Variants in S100Z observed in about 807,000 individuals in gnomAD.
S100Z encodes the protein protein S100-Z.
Under a neutral mutation model 8.5 loss-of-function variants are expected in S100Z, and 11 were observed. The ratio of observed to expected loss-of-function variants is 1.30; its 90% CI spans 0.82 to 2.15. The LOEUF (loss-of-function observed/expected upper bound fraction) is 2.15. Ranked by LOEUF, S100Z falls within the 30% of genes most tolerant of loss-of-function variation. The pLI, the probability that S100Z is intolerant of heterozygous loss-of-function variation, is 0.00. For synonymous variants in S100Z, 34 were observed against 43.8 expected (o/e 0.78, Z 0.89); for missense variants, 126 against 117.9 (o/e 1.07, Z -0.32).
In S100Z at chr5:76,898,933, C is replaced by CTTTTTTTT. The variant is rs56287065; in HGVS notation, c.*2+21111_*2+21118dup. Among the ~76,000 whole-genome samples the CTTTTTTTT allele has an allele frequency of 6.9e-4, 76 of 109,920 alleles. 1 individual carries two copies. The highest frequency in any genetic ancestry group is 1.1e-3 in the Non-Finnish European group (61 of 56,718). 72.1% of individuals were successfully genotyped at this position (109,920 alleles called of 152,430 possible). A position where few individuals can be genotyped will look rare whatever the true frequency, so the allele number is the denominator to read the frequency against. Reference sequence around the variant, plus strand: ...CCATTGGGTCCTGGGCTTTTCTTTTCTTTTTTTTTTTTTTTTTTTGAGACA... The same window carrying CTTTTTTTT: ...CCATTGGGTCCTGGGCTTTTCTTTTCTTTTTTTTTTTTTTTTTTTTTTTTTTTGAGACA... On this transcript the variant is annotated intron_variant, in intron 4 of 4. Transcript: ENST00000317593.
At chr5:76,907,807 A>G (rs1473172553) in intron 4 of S100Z, among the ~76,000 whole-genome samples, 2 of 152,154 alleles carry the variant, frequency 1.3e-5, no homozygotes, top group African/African-American at 2.4e-5. Flanking sequence ...AAAAATTCTA[A>G]TGTAAAAAAA....
chr5:76,914,273 G>C (rs559130862), intron 4 of S100Z, among the ~76,000 whole-genome samples: 1 of 152,100 alleles, frequency 6.6e-6, no homozygotes, highest in Non-Finnish European at 1.5e-5. Context: ...AGGTGAAGCC[G>C]GCTGGGCTTC....
chr5:76,883,346 T>TA (rs1743480841), intron 4 of S100Z, among the ~76,000 whole-genome samples: 1 of 152,142 alleles, frequency 6.6e-6, no homozygotes, highest in Non-Finnish European at 1.5e-5. Context: ...ATAATTTAGT[T>TA]AAAATGTCTC....
At position 76,877,657 on chromosome 5, in the gene S100Z, T is replaced by G. The variant is rs1456907247; in HGVS notation, c.142-17T>G. On this transcript the variant is annotated splice_polypyrimidine_tract_variant and intron_variant, in intron 3 of 4. Coordinates refer to ENST00000317593, the MANE Select transcript of S100Z (RefSeq NM_130772.4). ...ACCTCAGAGCCAGGGAGTTAGAAAT[T>G]TCCTTTCTCATTTTAGTGCCAAAAG... 6.4e-7 allele frequency: 1 copy of G among 1,558,420 alleles called. No individual in the cohort carries two copies. The highest frequency in any genetic ancestry group is 8.8e-7 in the Non-Finnish European group (1 of 1,133,970).
At chr5:76,869,390 G>A (rs908036900) in intron 1 of S100Z, among the ~76,000 whole-genome samples, 30 of 152,342 alleles carry the variant, frequency 2.0e-4, no homozygotes, top group African/African-American at 6.5e-4. Context: ...GCAGGAAAAT[G>A]TCCAAGAGGA....
intron 4 of S100Z, among the ~76,000 whole-genome samples, chr5:76,879,665 G>A (rs902086791): frequency 2.6e-5 from 4 of 152,156 alleles, no homozygotes; most frequent in African/African-American, 7.2e-5. Flanking sequence ...AGGTCACTCC[G>A]GATGAGAATG....
intron 4 of S100Z, among the ~76,000 whole-genome samples, chr5:76,899,025 TC>T (rs1305941529): frequency 7.1e-6 from 1 of 140,928 alleles, no homozygotes; most frequent in East Asian, 2.3e-4. Flanking sequence ...AACCTCCACC[TC>T]CCAGGTTCAA....
At chr5:76,919,886 G>A (rs1744983961) in intron 4 of S100Z, among the ~76,000 whole-genome samples, 1 of 150,146 alleles carries the variant, frequency 6.7e-6, no homozygotes, top group African/African-American at 2.5e-5. Context: ...TTACAGGTGT[G>A]AACCACCATG....
In S100Z at chr5:76,885,649, C is replaced by T. The variant is rs867472988; in HGVS notation, c.*2+7815C>T. On this transcript the variant is annotated intron_variant, in intron 4 of 4. Transcript: ENST00000317593. ...TGCTTGCCCCCCAGGAAAGTGGGAACGGGGTGGGAGGTGCTTGCCCCCCAG... is the reference window on the plus strand; with the variant it reads ...TGCTTGCCCCCCAGGAAAGTGGGAATGGGGTGGGAGGTGCTTGCCCCCCAG... Among the ~76,000 whole-genome samples, 12 of 92,330 alleles carry T rather than the reference C, an allele frequency of 1.3e-4. No homozygotes were observed. In the South Asian group the frequency reaches 2.2e-3, roughly 17 times the overall value. The allele number at this position is 92,330 out of a possible 152,430, so 60.6% of individuals were successfully genotyped here.
chr5:76,886,763 T>G (rs1298636449), intron 4 of S100Z, among the ~76,000 whole-genome samples: 1 of 152,190 alleles, frequency 6.6e-6, no homozygotes, highest in East Asian at 1.9e-4. Context: ...AGCAATTTTT[T>G]GCAGGCAGGG....
At chr5:76,875,652 G>C in intron 3 of S100Z, 152 bp downstream of exon 3, 1 of 688,856 alleles carries the variant, frequency 1.5e-6, no homozygotes. Context: ...GCAAACACTG[G>C]AGACGTTTGT....
At chr5:76,887,935 T>A (rs1204073548) in intron 4 of S100Z, among the ~76,000 whole-genome samples, 1 of 152,144 alleles carries the variant, frequency 6.6e-6, no homozygotes, top group Non-Finnish European at 1.5e-5. Context: ...CTCACTTCTG[T>A]CTTTCAAAAG....
At chr5:76,881,234 C>T (rs990856058) in intron 4 of S100Z, among the ~76,000 whole-genome samples, 6 of 152,064 alleles carry the variant, frequency 3.9e-5, no homozygotes, top group East Asian at 1.9e-4. Context: ...TAATAAAGGC[C>T]GGTCTGTTAT....
At chr5:76,899,384 T>C (rs1423150079) in intron 4 of S100Z, among the ~76,000 whole-genome samples, 2 of 151,714 alleles carry the variant, frequency 1.3e-5, no homozygotes, top group African/African-American at 4.9e-5. Flanking sequence ...CCTACCATTT[T>C]GCTATTTTTT....
the S100Z span, among the ~76,000 whole-genome samples, chr5:76,946,304 A>G: frequency 1.3e-5 from 2 of 152,248 alleles, no homozygotes; most frequent in Non-Finnish European, 2.9e-5. Flanking sequence ...GTCATTCAAC[A>G]ATCCTTGATA....
intron 4 of S100Z, among the ~76,000 whole-genome samples, chr5:76,891,564 T>C (rs1036334813): frequency 3.3e-5 from 5 of 152,254 alleles, no homozygotes; most frequent in Admixed American, 3.3e-4. Flanking sequence ...GAGCCTGAGA[T>C]TCTGCATTCC....
chr5:76,938,952 G>A, the S100Z span, among the ~76,000 whole-genome samples: 3 of 152,078 alleles, frequency 2.0e-5, no homozygotes, highest in Non-Finnish European at 4.4e-5. Context: ...GACATGGCCA[G>A]TAACTTTAAG....
the S100Z span, among the ~76,000 whole-genome samples, chr5:76,941,034 C>T: frequency 6.6e-6 from 1 of 152,110 alleles, no homozygotes; most frequent in Non-Finnish European, 1.5e-5. Context: ...CTGACTAATA[C>T]AGTTCTTGCA....
At chr5:76,911,542 T>C (rs139073472) in intron 4 of S100Z, among the ~76,000 whole-genome samples, 3 of 152,332 alleles carry the variant, frequency 2.0e-5, no homozygotes, top group East Asian at 1.9e-4. Context: ...CCCAAGGGTT[T>C]AGGGATAGCC....
Sources: gnomAD v4.1 joint callset for allele counts (sites outside exome capture counted in the v4.1 genomes callset) on GRCh38, gnomAD v4.1.1 for gene constraint, MANE v1.5 for transcripts, NCBI Gene and HGNC (gene_info 2026-07-23, HGNC 2026-07-21) for gene names.